Variants in MYLK4 observed in about 807,000 individuals in gnomAD.
The protein encoded by MYLK4 is myosin light chain kinase family member 4.
MYLK4 carries 46 observed loss-of-function variants against 48.1 expected under a neutral mutation model. That is an observed-to-expected ratio of 0.96 (90% CI 0.75 to 1.22). MYLK4 has a LOEUF of 1.22. Among genes scored for constraint, MYLK4 ranks in the 50% most tolerant of loss-of-function variants. MYLK4 has a pLI of 0.00. For missense variants in MYLK4, 451 were observed against 486.1 expected, an observed-to-expected ratio of 0.93 and a Z score of 0.68; for synonymous variants, 170 against 180.8, an observed-to-expected ratio of 0.94 and a Z score of 0.48.
At chr6:2,674,643 G>A (rs1403421187) in intron 11 of MYLK4, among the ~76,000 whole-genome samples, 1 of 152,206 alleles carries the variant, frequency 6.6e-6, no homozygotes, top group Non-Finnish European at 1.5e-5. Context: ...GGAGGCCAAG[G>A]TGGGTGGATC....
chr6:2,770,201 G>A, the MYLK4 span: 41 of 1,614,162 alleles, frequency 2.5e-5, no homozygotes, highest in East Asian at 8.0e-4. Flanking sequence ...CCAGGTCAAC[G>A]CTGCTCTTCT....
chr6:2,732,080 G>T (rs1269150021), intron 2 of MYLK4, among the ~76,000 whole-genome samples: 1 of 152,252 alleles, frequency 6.6e-6, no homozygotes, highest in Non-Finnish European at 1.5e-5. Context: ...AATGCACCTG[G>T]AGGATCATAG....
the MYLK4 span, among the ~76,000 whole-genome samples, chr6:2,763,944 C>T: frequency 6.6e-6 from 1 of 151,866 alleles, no homozygotes; most frequent in South Asian, 2.1e-4. Flanking sequence ...GTCGGGAGTT[C>T]GAGGAAGAAA....
chr6:2,766,399 C>T, the MYLK4 span: 2 of 1,606,544 alleles, frequency 1.2e-6, no homozygotes, highest in Admixed American at 1.7e-5. Flanking sequence ...TGGAGACCAA[C>T]GAAATCCCCT....
intron 2 of MYLK4, among the ~76,000 whole-genome samples, chr6:2,696,004 G>A (rs542857828): frequency 3.3e-5 from 5 of 152,306 alleles, no homozygotes; most frequent in Admixed American, 3.3e-4. Flanking sequence ...TCACATCGAT[G>A]GCTGGGATGA....
chr6:2,690,043 A>G (rs1304715925), intron 3 of MYLK4, among the ~76,000 whole-genome samples: 2 of 152,206 alleles, frequency 1.3e-5, no homozygotes, highest in Non-Finnish European at 2.9e-5. Flanking sequence ...AAATGGCATT[A>G]TATCTCCTGC....
intron 7 of MYLK4, among the ~76,000 whole-genome samples, chr6:2,681,037 C>T (rs6903217): frequency 0.81 from 123,195 of 152,052 alleles, 51,073 homozygotes; most frequent in East Asian, 0.95. Flanking sequence ...CTAATGTTTA[C>T]TGGGGTAGAA....
chr6:2,752,793 TTTAA>T (rs1382238263), upstream of MYLK4, among the ~76,000 whole-genome samples: 1 of 152,212 alleles, frequency 6.6e-6, no homozygotes, highest in Non-Finnish European at 1.5e-5. Context: ...TAGAATGATC[TTTAA>T]TTGTGTCTAC....
At chr6:2,722,627 T>C (rs895413031) in intron 2 of MYLK4, among the ~76,000 whole-genome samples, 1 of 151,104 alleles carries the variant, frequency 6.6e-6, no homozygotes, top group Non-Finnish European at 1.5e-5. Context: ...AAAACCCAAA[T>C]ATGAAAAGAA....
At chr6:2,708,686 C>G (rs1762574426) in intron 2 of MYLK4, among the ~76,000 whole-genome samples, 1 of 152,120 alleles carries the variant, frequency 6.6e-6, no homozygotes, top group Non-Finnish European at 1.5e-5. Flanking sequence ...TGGCCTATCA[C>G]TTTGTACTCT....
chr6:2,760,149 AT>A, the MYLK4 span, among the ~76,000 whole-genome samples: 1 of 152,190 alleles, frequency 6.6e-6, no homozygotes, highest in Non-Finnish European at 1.5e-5. Context: ...GTTACAAAAA[AT>A]AATACAAATA....
Position 2,679,424 on chromosome 6 carries a change from C to T in MYLK4, c.759-16G>A. On this transcript the variant is annotated splice_polypyrimidine_tract_variant and intron_variant, in intron 8 of 12. Coordinates refer to ENST00000274643, the MANE Select transcript of MYLK4 (RefSeq NM_001012418.5). ...GGGTTTGTATCTGCAATTTAAGAGA[C>T]AAAGTGGAAGGATGGACGTGTCGAT... 6.2e-7 allele frequency: 1 copy of T among 1,614,082 alleles called. No individual in the cohort carries two copies. Among genetic ancestry groups the T allele is most frequent in the Non-Finnish European group, 8.5e-7 (1 of 1,179,988 alleles).
At chr6:2,727,340 A>C (rs1367790347) in intron 2 of MYLK4, among the ~76,000 whole-genome samples, 1 of 152,218 alleles carries the variant, frequency 6.6e-6, no homozygotes, top group Admixed American at 6.5e-5. Flanking sequence ...TGTCAGCCTT[A>C]AATGGAAGTT....
the MYLK4 span, among the ~76,000 whole-genome samples, chr6:2,762,667 T>C: frequency 6.6e-6 from 1 of 152,264 alleles, no homozygotes; most frequent in African/African-American, 2.4e-5. Flanking sequence ...AATGAGTTTT[T>C]ACTCTCATTA....
At chr6:2,727,422 TCTC>T (rs1763315457) in intron 2 of MYLK4, among the ~76,000 whole-genome samples, 1 of 152,078 alleles carries the variant, frequency 6.6e-6, no homozygotes, top group African/African-American at 2.4e-5. Flanking sequence ...AACTCTGCCT[TCTC>T]CTCTAGAGTC....
At chr6:2,728,133 C>G (rs1039585008) in intron 2 of MYLK4, among the ~76,000 whole-genome samples, 9 of 152,060 alleles carry the variant, frequency 5.9e-5, no homozygotes, top group Non-Finnish European at 1.3e-4. Flanking sequence ...GGTAGCAGAG[C>G]TGATATCTCT....
Position 2,671,323 on chromosome 6 carries a change from G to A in MYLK4, c.1145C>T (p.Ala382Val). 1.2e-6 allele frequency: 2 copies of A among 1,614,012 alleles called. No individual in the cohort carries two copies. The highest frequency in any genetic ancestry group is 1.7e-6 in the Non-Finnish European group (2 of 1,179,976). The change falls in exon 12 of 13, where the codon GCC (alanine) becomes GTC (valine). Residue 382 changes from alanine to valine, a missense_variant. Coordinates refer to ENST00000274643, the MANE Select transcript of MYLK4 (RefSeq NM_001012418.5). ...AGACTATTTGGTCACAAAGTCCTGGGCATCAGAGCCACGATTCTTCTTCTT... is the reference window on the plus strand; with the variant it reads ...AGACTATTTGGTCACAAAGTCCTGGACATCAGAGCCACGATTCTTCTTCTT... Reference protein sequence around the residue: ...AQKKKNRGSDAQDFVTK With the variant: ...AQKKKNRGSDVQDFVTK
intron 2 of MYLK4, among the ~76,000 whole-genome samples, chr6:2,710,417 G>T (rs1234076707): frequency 6.6e-6 from 1 of 152,030 alleles, no homozygotes; most frequent in East Asian, 1.9e-4. Flanking sequence ...CCTTTCTCAG[G>T]AAACCAACCA....
chr6:2,692,653 G>GGC (rs1561844306), intron 3 of MYLK4, 131 bp downstream of exon 3: 10 of 559,032 alleles, frequency 1.8e-5, no homozygotes, highest in Non-Finnish European at 2.5e-5. Context: ...GGGGGGGGGG[G>GGC]GCATTTTTTT....
Sources: gnomAD v4.1 joint callset for allele counts (sites outside exome capture counted in the v4.1 genomes callset) on GRCh38, gnomAD v4.1.1 for gene constraint, MANE v1.5 for transcripts, NCBI Gene and HGNC (gene_info 2026-07-23, HGNC 2026-07-21) for gene names.